The following BCL11B variants were observed in gnomAD, a reference collection of about 807,000 sequenced individuals.
BCL11B encodes B-cell lymphoma/leukemia 11B.
In BCL11B, 8 loss-of-function variants were observed where a neutral mutation model predicts 49.9. The observed-to-expected ratio is 0.16, with a 90% confidence interval of 0.09 to 0.29. The LOEUF is 0.29. BCL11B is among the 10% of genes least tolerant of loss of function. The pLI is 1.00. For synonymous variants in BCL11B, 739 were observed against 637.4 expected (o/e 1.16, Z -2.40); for missense variants, 1,006 against 1,351.0 (o/e 0.74, Z 4.00).
At chr14:99,216,797 T>C (rs769918136) in intron 3 of BCL11B, among the ~76,000 whole-genome samples, 1 of 152,046 alleles carries the variant, frequency 6.6e-6, no homozygotes, top group Non-Finnish European at 1.5e-5. Context: ...CACATACACA[T>C]ATACACTCAA....
intron 3 of BCL11B, among the ~76,000 whole-genome samples, chr14:99,202,935 C>T (rs2139824057): frequency 6.6e-6 from 1 of 152,354 alleles, no homozygotes; most frequent in African/African-American, 2.4e-5. Flanking sequence ...GAATCCAGGG[C>T]CTCACAGCCC....
chr14:99,197,617 T>C (rs969099073), intron 3 of BCL11B, among the ~76,000 whole-genome samples: 1 of 152,132 alleles, frequency 6.6e-6, no homozygotes, highest in Admixed American at 6.5e-5. Flanking sequence ...TCCTATCTAA[T>C]AAGGTTCTTC....
intron 3 of BCL11B, among the ~76,000 whole-genome samples, chr14:99,207,484 C>T (rs117609433): frequency 6.6e-6 from 1 of 152,298 alleles, no homozygotes; most frequent in Non-Finnish European, 1.5e-5. Context: ...TTCCAGTGCC[C>T]TTCCTGTTTC....
At chr14:99,209,486 A>G (rs1477837445) in intron 3 of BCL11B, among the ~76,000 whole-genome samples, 1 of 152,090 alleles carries the variant, frequency 6.6e-6, no homozygotes, top group Admixed American at 6.5e-5. Flanking sequence ...AGCCCAGCCC[A>G]GAGCTGTGAG....
chr14:99,191,390 C>T (rs1239571520), intron 3 of BCL11B, among the ~76,000 whole-genome samples: 1 of 135,662 alleles, frequency 7.4e-6, no homozygotes, highest in Non-Finnish European at 1.6e-5. Context: ...TTGTGGGGAC[C>T]GCACCTAAAT....
At position 99,262,977 on chromosome 14, in the gene BCL11B, G is replaced by A. The variant is rs367657745; in HGVS notation, c.59-5138C>T. 2.0e-5 allele frequency: 3 copies of A among 152,216 alleles called. No individual in the cohort carries two copies. The highest frequency in any genetic ancestry group is 1.9e-4 in the East Asian group (1 of 5,190). 9.4% of individuals were successfully genotyped at this position (152,216 alleles called of 1,614,324 possible). On this transcript the variant is annotated intron_variant, in intron 1 of 3. Coordinates refer to ENST00000357195, the MANE Select transcript of BCL11B (RefSeq NM_138576.4). The surrounding 1 kb of genome is among the most constrained non-coding windows in gnomAD (Gnocchi z 4.2). ...GATTTTATGAAGTTCCCCTAACGGA[G>A]GGAATAATGAAGTGCCTGGCAGAGA...
Position 99,241,242 on chromosome 14 carries a change from G to T in BCL11B, c.428-9685C>A, listed in dbSNP as rs1485207376. Among the ~76,000 whole-genome samples the T allele has an allele frequency of 6.6e-6, 1 of 151,828 alleles. No individual in the cohort carries two copies. Among genetic ancestry groups the T allele is most frequent in the Non-Finnish European group, 1.5e-5 (1 of 67,972 alleles). ...GCTGTAATTACCCAGGAAGTTCTCT[G>T]CCCAGCACCCCATCATGAAATATAC... On this transcript the variant is annotated intron_variant, in intron 2 of 3. Coordinates refer to ENST00000357195, the MANE Select transcript of BCL11B (RefSeq NM_138576.4). The surrounding 1 kb of genome is among the most constrained non-coding windows in gnomAD (Gnocchi z 4.4).
chr14:99,240,996 C>T (rs937517167), intron 2 of BCL11B, among the ~76,000 whole-genome samples: 1 of 151,642 alleles, frequency 6.6e-6, no homozygotes, highest in Non-Finnish European at 1.5e-5. Flanking sequence ...AATCATAGCA[C>T]GCTGACTTTG....
rs1888700122 is a variant in BCL11B, at chr14:99,242,477, C to T, written c.428-10920G>A. Reference sequence around the variant, plus strand: ...TTCAATTAAGAAGCACCAGACAGCTCCTGGCTCCAAGCCTGCACCATCGCA... The same window carrying T: ...TTCAATTAAGAAGCACCAGACAGCTTCTGGCTCCAAGCCTGCACCATCGCA... On this transcript the variant is annotated intron_variant, in intron 2 of 3. Coordinates refer to ENST00000357195, the MANE Select transcript of BCL11B (RefSeq NM_138576.4). This position sits in a 1 kb window ranked among gnomAD's most constrained non-coding sequence, Gnocchi z 4.4. 6.6e-6 allele frequency among the ~76,000 whole-genome samples: 1 copy of T among 152,168 alleles called. No homozygotes were observed. Among genetic ancestry groups the T allele is most frequent in the Admixed American group, 6.5e-5 (1 of 15,288 alleles).
chr14:99,200,720 G>T (rs1887354969), intron 3 of BCL11B, among the ~76,000 whole-genome samples: 1 of 152,236 alleles, frequency 6.6e-6, no homozygotes, highest in South Asian at 2.1e-4. Flanking sequence ...CAGGAGGCTG[G>T]CACAGCCACT....
intron 3 of BCL11B, among the ~76,000 whole-genome samples, chr14:99,220,185 C>A (rs887144977): frequency 3.9e-5 from 6 of 152,210 alleles, no homozygotes; most frequent in African/African-American, 1.4e-4. Context: ...AACGGTTTGG[C>A]AATTCCTCAA....
intron 1 of BCL11B, among the ~76,000 whole-genome samples, chr14:99,270,045 C>T (rs1159979591): frequency 6.6e-6 from 1 of 152,002 alleles, no homozygotes; most frequent in Non-Finnish European, 1.5e-5. Flanking sequence ...TGCGGGGACT[C>T]GGGGCGGGTT....
Position 99,176,023 on chromosome 14 carries a change from C to A in BCL11B, c.813G>T (p.Pro271=), listed in dbSNP as rs1152783. ...PRLTIPPPLG[P]EAVAQSPLMN... Reference sequence around the variant, plus strand: ...TGAGCGGGGACTGCGCCACGGCCTCCGGCCCGAGCGGCGGCGGGATGGTGA... The same window carrying A: ...TGAGCGGGGACTGCGCCACGGCCTCAGGCCCGAGCGGCGGCGGGATGGTGA... Residue 271 remains proline, a synonymous_variant, in exon 4 of 4, where the codon CCG becomes CCT. Transcript: ENST00000357195. The A allele has an allele frequency of 3.2e-6, 5 of 1,572,442 alleles. No individual in the cohort carries two copies. In the South Asian group the frequency reaches 4.6e-5, roughly 15 times the overall value.
intron 3 of BCL11B, among the ~76,000 whole-genome samples, chr14:99,201,693 A>G (rs945215940): frequency 6.6e-6 from 1 of 152,090 alleles, no homozygotes; most frequent in Non-Finnish European, 1.5e-5. Context: ...CTCCTTGCTC[A>G]CACCCAGCAC....
intron 3 of BCL11B, among the ~76,000 whole-genome samples, chr14:99,220,628 G>A (rs1351983962): frequency 6.6e-6 from 1 of 152,160 alleles, no homozygotes; most frequent in African/African-American, 2.4e-5. Context: ...TGTTTGGGAT[G>A]ATGGAAAAGC....
Position 99,175,180 on chromosome 14 carries a change from G to A in BCL11B, c.1656C>T (p.Pro552=), listed in dbSNP as rs749263941. The change falls in exon 4 of 4, where the codon CCC becomes CCT. Residue 552 remains proline, a synonymous_variant. Coordinates refer to ENST00000357195, the MANE Select transcript of BCL11B (RefSeq NM_138576.4). ...EELLLENESR[P]ESSFSMDSEL... ...CCGAGTCCATGCTGAAGCTCGACTC[G>A]GGCCGGCTCTCGTTCTCCAGTAGCA... is the stretch of plus-strand genomic sequence containing the variant. 1.4e-5 allele frequency: 22 copies of A among 1,577,444 alleles called. No individual in the cohort carries two copies. Among genetic ancestry groups the A allele is most frequent in the Admixed American group, 5.4e-5 (3 of 55,774 alleles).
intron 3 of BCL11B, among the ~76,000 whole-genome samples, chr14:99,181,427 C>T (rs74451104): frequency 0.16 from 23,840 of 152,260 alleles, 2,485 homozygotes; most frequent in East Asian, 0.42. Context: ...AGAAGCAAAG[C>T]GGCACGGCCA....
At position 99,248,730 on chromosome 14, in the gene BCL11B, A is replaced by C. The variant is rs1163099181; in HGVS notation, c.427+8741T>G. On this transcript the variant is annotated intron_variant, in intron 2 of 3. Coordinates refer to ENST00000357195, the MANE Select transcript of BCL11B (RefSeq NM_138576.4). The surrounding 1 kb of genome is among the most constrained non-coding windows in gnomAD (Gnocchi z 4.7). ...GCCTCATTAATGTGAAAAATGAGGAAAGTTGGGGGAACTACTGGGTGGGAA... is the reference window on the plus strand; with the variant it reads ...GCCTCATTAATGTGAAAAATGAGGACAGTTGGGGGAACTACTGGGTGGGAA... 6.6e-6 allele frequency among the ~76,000 whole-genome samples: 1 copy of C among 152,178 alleles called. No individual in the cohort carries two copies. Among genetic ancestry groups the C allele is most frequent in the Non-Finnish European group, 1.5e-5 (1 of 68,052 alleles).
chr14:99,175,607 G>T lies in BCL11B; in HGVS notation c.1229C>A (p.Pro410Gln). ...KSPFLSTPPL[P>Q]PMPPGGTPPP... Reference sequence around the variant, plus strand: ...CGGCGTGCCGCCAGGGGGCATGGGCGGCAGCGGCGGCGTGCTCAGGAACGG... The same window carrying T: ...CGGCGTGCCGCCAGGGGGCATGGGCTGCAGCGGCGGCGTGCTCAGGAACGG... Residue 410 changes from proline to glutamine, a missense_variant, in exon 4 of 4, where the codon CCG becomes CAG. Pro to Gln is a moderately conservative substitution (Grantham distance 76). Coordinates refer to ENST00000357195, the MANE Select transcript of BCL11B (RefSeq NM_138576.4). The T allele has an allele frequency of 6.4e-7, 1 of 1,563,714 alleles. No individual in the cohort carries two copies. The highest frequency in any genetic ancestry group is 8.6e-7 in the Non-Finnish European group (1 of 1,161,360).
Sources: allele counts gnomAD v4.1 joint callset (sites outside exome capture counted in the v4.1 genomes callset), GRCh38; gene constraint gnomAD v4.1.1; non-coding constraint Gnocchi (gnomAD v3.1); transcripts MANE v1.5; gene names NCBI Gene and HGNC (gene_info 2026-07-23, HGNC 2026-07-21).